Variants in NLRP1 observed in about 807,000 individuals in gnomAD.
NLRP1 encodes NACHT, LRR and PYD domains-containing protein 1.
Under a neutral mutation model 136.7 loss-of-function variants are expected in NLRP1, and 94 were observed. That is an observed-to-expected ratio of 0.69 (90% confidence interval 0.58 to 0.82). The LOEUF (loss-of-function observed/expected upper bound fraction) is 0.82, where lower values mean the gene tolerates loss of function less well. NLRP1 is among the 40% of genes least tolerant of loss of function. The probability of loss-of-function intolerance (pLI) is 0.00; values close to 1 mark genes in which losing one functional copy is unlikely to be tolerated. For missense variants in NLRP1, 1,575 were observed against 1,802.7 expected (o/e 0.87, Z 2.29); for synonymous variants, 690 against 725.1 (o/e 0.95, Z 0.78).
At chr17:5,544,205 G>C (rs34541819) in intron 5 of NLRP1, among the ~76,000 whole-genome samples, 7,172 of 152,222 alleles carry the variant, frequency 0.047, 197 homozygotes, top group Middle Eastern at 0.085. Flanking sequence ...TTATTGCCAC[G>C]CTTTATCTCT....
At position 5,558,348 on chromosome 17, in the gene NLRP1, A is replaced by G. The variant is rs757578881; in HGVS notation, c.2348T>C (p.Met783Thr). 1.2e-6 allele frequency: 2 copies of G among 1,605,064 alleles called. No individual in the cohort carries two copies. Among genetic ancestry groups the G allele is most frequent in the Admixed American group, 1.7e-5 (1 of 58,814 alleles). Residue 783 changes from methionine (M) to threonine (T), a missense_variant, in exon 4 of 17, where the codon ATG becomes ACG. Transcript: ENST00000572272. Reference protein sequence around the residue: ...RQHRSTWSPTMVVLFRWVPVT... With the variant: ...RQHRSTWSPTTVVLFRWVPVT... ...TGGTTTGGGTACTCACAGGACTACC[A>G]TGGTGGGGCTCCATGTTGATCTGTG...
chr17:5,563,434 A>C (rs1914982569), intron 3 of NLRP1, among the ~76,000 whole-genome samples: 1 of 152,214 alleles, frequency 6.6e-6, no homozygotes, highest in Non-Finnish European at 1.5e-5. Flanking sequence ...AAAGAACCAA[A>C]CTGATCTGAT....
chr17:5,573,362 C>T (rs956178908), intron 3 of NLRP1, among the ~76,000 whole-genome samples: 4 of 152,184 alleles, frequency 2.6e-5, no homozygotes, highest in Non-Finnish European at 4.4e-5. Flanking sequence ...AGGAGGCCTG[C>T]CTGCCTCTGT....
At chr17:5,513,088 C>T (rs1415826280), downstream of NLRP1, among the ~76,000 whole-genome samples, 1 of 152,228 alleles carries the variant, frequency 6.6e-6, no homozygotes, top group African/African-American at 2.4e-5. Context: ...ACTAAAGATG[C>T]TTTTGAGTCT....
At position 5,527,163 on chromosome 17, in the gene NLRP1, C is replaced by G. The variant is rs1260169890; in HGVS notation, c.3520+3318G>C. ...TTGTTCTGTGGCAGGGGTGTCCAATCTTTTGGCTTCCCTGGGTCACATTGG... is the reference window on the plus strand; with the variant it reads ...TTGTTCTGTGGCAGGGGTGTCCAATGTTTTGGCTTCCCTGGGTCACATTGG... On this transcript the variant is annotated intron_variant, in intron 12 of 16. Transcript: ENST00000572272. Among the ~76,000 whole-genome samples, 5 of 152,250 alleles carry G rather than the reference C, an allele frequency of 3.3e-5. No homozygotes were observed. The South Asian group carries it at 1.0e-3, about 32-fold the overall frequency.
intron 12 of NLRP1, among the ~76,000 whole-genome samples, chr17:5,524,739 C>T (rs929592069): frequency 6.6e-6 from 1 of 152,178 alleles, no homozygotes; most frequent in African/African-American, 2.4e-5. Flanking sequence ...GGACCAGATC[C>T]CAGGATTCTG....
chr17:5,536,997 C>T (rs1911164962), intron 7 of NLRP1, 57 bp from the exon 8 acceptor site: 1 of 1,244,916 alleles, frequency 8.0e-7, no homozygotes, highest in Admixed American at 1.7e-5. Context: ...TCCCCAGGTC[C>T]CCAGGGCCCA....
At position 5,514,303 on chromosome 17, in the gene NLRP1, A is replaced by C. The variant is rs1413246880; in HGVS notation, c.*451T>G. The C allele has an allele frequency of 5.4e-6, 3 of 553,330 alleles. No individual in the cohort carries two copies. 34.3% of individuals were successfully genotyped at this position (553,330 alleles called of 1,614,324 possible). A position where few individuals can be genotyped will look rare whatever the true frequency, so the allele number is the denominator to read the frequency against. Reference sequence around the variant, plus strand: ...TTCTGAATAAACTTCCTTCCACTTTACTCTGTTGGCTTGCTCTTGTAGATC... The same window carrying C: ...TTCTGAATAAACTTCCTTCCACTTTCCTCTGTTGGCTTGCTCTTGTAGATC... On this transcript the variant is annotated 3_prime_UTR_variant, in exon 17 of 17. Coordinates refer to ENST00000572272, the MANE Select transcript of NLRP1 (RefSeq NM_033004.4).
intron 3 of NLRP1, among the ~76,000 whole-genome samples, chr17:5,572,201 T>C (rs945073325): frequency 6.6e-6 from 1 of 152,134 alleles, no homozygotes; most frequent in African/African-American, 2.4e-5. Context: ...AAAAATTTCA[T>C]GAGGAAGATG....
rs201803660 is a variant in NLRP1 at position 5,530,587 on chromosome 17, C to A, written c.3414G>T (p.Glu1138Asp). 1.9e-6 allele frequency: 3 copies of A among 1,614,234 alleles called. No homozygotes were observed. The highest frequency in any genetic ancestry group is 2.5e-6 in the Non-Finnish European group (3 of 1,180,036). Residue 1138 changes from glutamate to aspartate, a missense_variant, in exon 12 of 17, where the codon GAG becomes GAT. Physicochemically the swap from Glu to Asp is conservative, Grantham distance 45. Coordinates refer to ENST00000572272, the MANE Select transcript of NLRP1 (RefSeq NM_033004.4). The part of the protein sequence containing the change: ...EFCVWDQFLG[E>D]INPQHSWMVA... The stretch of plus-strand genomic sequence containing the variant: ...CCATCCAGCTGTGCTGTGGGTTGAT[C>A]TCACCCAGGAACTGGTCCCACACAC...
At position 5,553,381 on chromosome 17, in the gene NLRP1, C is replaced by T. The variant is rs1251543990; in HGVS notation, c.2528+5G>A. ...GCTTCAGAACAGAACCCAGGCCAGACTCACCGCAGGGTCTCCAGGAGGCAG... is the reference window on the plus strand; with the variant it reads ...GCTTCAGAACAGAACCCAGGCCAGATTCACCGCAGGGTCTCCAGGAGGCAG... On this transcript the variant is annotated splice_donor_5th_base_variant and intron_variant, in intron 5 of 16. Transcript: ENST00000572272. The T allele has an allele frequency of 6.2e-7, 1 of 1,609,206 alleles. No homozygotes were observed. The highest frequency in any genetic ancestry group is 2.2e-5 in the East Asian group (1 of 44,806).
intron 12 of NLRP1, among the ~76,000 whole-genome samples, chr17:5,525,193 T>C (rs1909375617): frequency 6.6e-6 from 1 of 152,204 alleles, no homozygotes; most frequent in Non-Finnish European, 1.5e-5. Context: ...TCCAGGGCTT[T>C]GCATCTGCTT....
At chr17:5,551,381 A>G (rs1913338453) in intron 5 of NLRP1, among the ~76,000 whole-genome samples, 1 of 152,180 alleles carries the variant, frequency 6.6e-6, no homozygotes, top group Non-Finnish European at 1.5e-5. Flanking sequence ...TTTAGCATTG[A>G]ATAATAGTCC....
intron 4 of NLRP1, 99 bp downstream of exon 4, chr17:5,558,240 A>AC: frequency 3.0e-6 from 4 of 1,339,658 alleles, no homozygotes; most frequent in Non-Finnish European, 4.1e-6. Flanking sequence ...AGCCACCCCC[A>AC]CCCCCGGCCA....
chr17:5,528,584 T>C lies in NLRP1; in HGVS notation c.3520+1897A>G, dbSNP rs151103163. Among the ~76,000 whole-genome samples the C allele has an allele frequency of 2.9e-3, 446 of 152,364 alleles. 3 individuals carry two copies. The highest frequency in any genetic ancestry group is 0.01 in the African/African-American group (416 of 41,582). ...GTGGCCTCAACAAACAAGACTTTCC[T>C]GGTTCTGGGTACTGAGCAGTTCCCT... On this transcript the variant is annotated intron_variant, in intron 12 of 16. Coordinates refer to ENST00000572272, the MANE Select transcript of NLRP1 (RefSeq NM_033004.4).
At chr17:5,511,986 G>GCTC, downstream of NLRP1, 1 of 507,724 alleles carries the variant, frequency 2.0e-6, no homozygotes, top group Admixed American at 3.1e-5. Context: ...TGTGAAGTGG[G>GCTC]CCTGGTTTAG....
At chr17:5,539,781 A>G (rs986179846) in intron 6 of NLRP1, 196 bp from the exon 7 acceptor site, 1 of 506,158 alleles carries the variant, frequency 2.0e-6, no homozygotes, top group Non-Finnish European at 2.6e-6. Flanking sequence ...GGAACCCCTC[A>G]GGATGCCAGC....
intron 15 of NLRP1, chr17:5,502,684 G>C (rs997604915): frequency 4.6e-5 from 7 of 152,872 alleles, no homozygotes; most frequent in Admixed American, 3.9e-4. Flanking sequence ...GAATGGAATG[G>C]AAGGTTGCAG....
rs779784861 is a variant in NLRP1, at chr17:5,559,787, A to C, written c.909T>G (p.Tyr303Ter). The change falls in exon 4 of 17, where the codon TAT becomes TAG. Residue 303 changes from tyrosine (Y) to a stop codon, truncating the protein, a stop_gained. Transcript: ENST00000572272. LOFTEE classifies it high-confidence loss of function. The part of the protein sequence containing the change: ...DPLVKRSWPD[Y>*]VEENRGHLIE... ...TTAAATGTCCTCGATTCTCCTCCAC[A>C]TAATCAGGCCAGCTTCTCTTGACCA... The C allele has an allele frequency of 2.4e-5, 39 of 1,614,112 alleles. No homozygotes were observed. The highest frequency in any genetic ancestry group is 1.1e-5 in the South Asian group (1 of 91,086).
Sources: gnomAD v4.1 joint callset for allele counts (sites outside exome capture counted in the v4.1 genomes callset) on GRCh38, gnomAD v4.1.1 for gene constraint, MANE v1.5 for transcripts, NCBI Gene and HGNC (gene_info 2026-07-23, HGNC 2026-07-21) for gene names.